Variants in FRZB observed in about 807,000 individuals in gnomAD.
FRZB encodes secreted frizzled-related protein 3.
A neutral mutation model predicts 32.5 loss-of-function variants in FRZB; 34 were observed. The observed-to-expected ratio is 1.05, with a 90% CI of 0.80 to 1.39. The LOEUF (loss-of-function observed/expected upper bound fraction) is 1.39. FRZB is among the 40% of genes most tolerant of loss of function. The pLI is 0.00. For synonymous variants in FRZB, 170 were observed against 159.2 expected, an observed-to-expected ratio of 1.07 and a Z score of -0.51; for missense variants, 423 against 424.8, an observed-to-expected ratio of 1.00 and a Z score of 0.04.
rs767254284 is a variant in FRZB, at chr2:182,838,576, G to A, written c.630C>T (p.Cys210=). The change falls in exon 4 of 6, where the codon TGC becomes TGT. Residue 210 remains cysteine, a synonymous_variant. Transcript: ENST00000295113. ...CCTCCACTACTGCAGTCACATCATG[G>A]CACTTAGTCTTTATCTCTTTAACTT... ...RAKVKEIKTK[C]HDVTAVVEVK... 9.9e-6 allele frequency: 16 copies of A among 1,612,642 alleles called. No homozygotes were observed. The East Asian group carries it at 3.6e-4, about 36-fold the overall frequency.
At position 182,866,614 on chromosome 2, in the gene FRZB, G is replaced by A. The variant is rs1268372231; in HGVS notation, c.-62C>T. ...TGGACGCCAAAAGGCCCGCTCCGCC[G>A]TCTCCGCCTCCCCCGCTGCAAGTGG... On this transcript the variant is annotated 5_prime_UTR_variant, in exon 1 of 6. In the 5' UTR this introduces an upstream ATG that the reference lacks. Coordinates refer to ENST00000295113, the MANE Select transcript of FRZB (RefSeq NM_001463.4). This position sits in a 1 kb window ranked among gnomAD's most constrained non-coding sequence, Gnocchi z 4.5. The A allele has an allele frequency of 3.4e-6, 4 of 1,176,098 alleles. No homozygotes were observed. Among genetic ancestry groups the A allele is most frequent in the Non-Finnish European group, 4.6e-6 (4 of 874,228 alleles). 72.9% of individuals were successfully genotyped at this position (1,176,098 alleles called of 1,614,324 possible).
intron 5 of FRZB, among the ~76,000 whole-genome samples, chr2:182,836,652 A>C (rs1695528934): frequency 6.6e-6 from 1 of 152,034 alleles, no homozygotes; most frequent in Non-Finnish European, 1.5e-5. Context: ...GGGATATTGA[A>C]AGCTTTTCCA....
At chr2:182,847,721 C>T (rs1490312649) in intron 2 of FRZB, among the ~76,000 whole-genome samples, 4 of 152,154 alleles carry the variant, frequency 2.6e-5, no homozygotes, top group Middle Eastern at 3.4e-3. Flanking sequence ...TGAGGGGCTA[C>T]GAAAAGCAGG....
At chr2:182,863,156 T>A (rs1027963837) in intron 1 of FRZB, among the ~76,000 whole-genome samples, 4 of 152,230 alleles carry the variant, frequency 2.6e-5, no homozygotes, top group Admixed American at 6.5e-5. Flanking sequence ...AGAGGTCATA[T>A]AATTTTCCTA....
At chr2:182,853,323 A>G (rs1695730295) in intron 2 of FRZB, among the ~76,000 whole-genome samples, 2 of 152,168 alleles carry the variant, frequency 1.3e-5, no homozygotes, top group South Asian at 2.1e-4. Flanking sequence ...TCTTTCATAC[A>G]TTGAAGTGCT....
intron 1 of FRZB, among the ~76,000 whole-genome samples, chr2:182,863,212 C>CT (rs141344469): frequency 0.052 from 7,881 of 152,204 alleles, 258 homozygotes; most frequent in Non-Finnish European, 0.075. Flanking sequence ...CCTGGTCTGC[C>CT]CCACTCCAAG....
intron 3 of FRZB, among the ~76,000 whole-genome samples, chr2:182,841,378 A>G (rs1264348477): frequency 2.6e-5 from 4 of 152,142 alleles, no homozygotes; most frequent in African/African-American, 9.7e-5. Flanking sequence ...TCTCCTTTCA[A>G]TTCCCAAAAG....
Position 182,850,322 on chromosome 2 carries a change from CCTAA to C in FRZB, c.527-7783_527-7780del, listed in dbSNP as rs534159592. 1.6e-4 allele frequency among the ~76,000 whole-genome samples: 24 copies of C among 152,282 alleles called. No homozygotes were observed. In the South Asian group the frequency reaches 2.3e-3, roughly 14 times the overall value. ...GATCTATCAAACACTAGGTCTTCCTCCTAACTAACTGTATATTTGTCCTCATTAA... is the reference window on the plus strand; with the variant it reads ...GATCTATCAAACACTAGGTCTTCCTCCTAACTGTATATTTGTCCTCATTAA... On this transcript the variant is annotated intron_variant, in intron 2 of 5. Transcript: ENST00000295113.
At chr2:182,859,174 T>G (rs564652735) in intron 1 of FRZB, among the ~76,000 whole-genome samples, 3 of 152,112 alleles carry the variant, frequency 2.0e-5, no homozygotes, top group Admixed American at 6.5e-5. Flanking sequence ...CATCCAACAC[T>G]TATGACTTGA....
rs1430072345 is a variant in FRZB, at chr2:182,834,367, AC to A, written c.*481del. ...CATTTTACCTTTATAAACATTTGGAACTTTCTAAGCATGAGGAGAATGCCCA... is the reference window on the plus strand; with the variant it reads ...CATTTTACCTTTATAAACATTTGGAATTTCTAAGCATGAGGAGAATGCCCA... On this transcript the variant is annotated 3_prime_UTR_variant, in exon 6 of 6. Coordinates refer to ENST00000295113, the MANE Select transcript of FRZB (RefSeq NM_001463.4). 1 of 153,638 alleles carries A rather than the reference AC, an allele frequency of 6.5e-6. No homozygotes were observed. Among genetic ancestry groups the A allele is most frequent in the East Asian group, 1.9e-4 (1 of 5,236 alleles). 9.5% of individuals were successfully genotyped at this position (153,638 alleles called of 1,614,324 possible). A position where few individuals can be genotyped will look rare whatever the true frequency, so the allele number is the denominator to read the frequency against.
rs13022892 is a variant in FRZB at position 182,840,075 on chromosome 2, T to G, written c.593-1462A>C. Among the ~76,000 whole-genome samples, 6 of 152,264 alleles carry G rather than the reference T, an allele frequency of 3.9e-5. No homozygotes were observed. The East Asian group carries it at 1.2e-3, about 29-fold the overall frequency. ...TTCTAAAAGCTTCACATTTCAGTCT[T>G]CCGAGAATTAGTTGCCTCAAGTATG... is the stretch of plus-strand genomic sequence containing the variant. On this transcript the variant is annotated intron_variant, in intron 3 of 5. Coordinates refer to ENST00000295113, the MANE Select transcript of FRZB (RefSeq NM_001463.4).
At chr2:182,836,511 G>T (rs1484487058) in intron 5 of FRZB, among the ~76,000 whole-genome samples, 1 of 152,050 alleles carries the variant, frequency 6.6e-6, no homozygotes, top group African/African-American at 2.4e-5. Flanking sequence ...GTCCCCTGCG[G>T]AAAACAATGG....
chr2:182,834,729 A>G lies in FRZB; in HGVS notation c.*120T>C, dbSNP rs1695504271. On this transcript the variant is annotated 3_prime_UTR_variant, in exon 6 of 6. Transcript: ENST00000295113. ...AACAGAAGTAATAATCAGTTATCACATGATTTTTATAGTAAACAATAGAAT... is the reference window on the plus strand; with the variant it reads ...AACAGAAGTAATAATCAGTTATCACGTGATTTTTATAGTAAACAATAGAAT... 1.3e-6 allele frequency: 1 copy of G among 755,276 alleles called. No individual in the cohort carries two copies. Among genetic ancestry groups the G allele is most frequent in the African/African-American group, 1.7e-5 (1 of 57,912 alleles). The allele number at this position is 755,276 out of a possible 1,614,324, so 46.8% of individuals were successfully genotyped here.
chr2:182,839,347 G>C (rs1408946591), intron 3 of FRZB, among the ~76,000 whole-genome samples: 1 of 151,722 alleles, frequency 6.6e-6, no homozygotes, highest in Non-Finnish European at 1.5e-5. Flanking sequence ...TCTCCTCTAA[G>C]TGGGCTATAT....
intron 1 of FRZB, among the ~76,000 whole-genome samples, chr2:182,859,779 A>C (rs952382222): frequency 1.3e-5 from 2 of 152,204 alleles, no homozygotes; most frequent in African/African-American, 4.8e-5. Context: ...AATCATCAGC[A>C]AGTATTTAAA....
intron 3 of FRZB, 50 bp downstream of exon 3, chr2:182,842,428 C>T: frequency 7.5e-7 from 1 of 1,326,688 alleles, no homozygotes. Flanking sequence ...TGCATCCACA[C>T]ACCTCTCTTA....
Position 182,838,513 on chromosome 2 carries a change from T to C in FRZB, c.693A>G (p.Pro231=), listed in dbSNP as rs1345657765. ...EILKSSLVNI[P]RDTVNLYTSS... Reference sequence around the variant, plus strand: ...TGGTATAGAGGTTGACAGTGTCCCGTGGAATGTTTACCAGAGAGGACTTTA... The same window carrying C: ...TGGTATAGAGGTTGACAGTGTCCCGCGGAATGTTTACCAGAGAGGACTTTA... The change falls in exon 4 of 6, where the codon CCA becomes CCG. Residue 231 remains proline, a synonymous_variant. Transcript: ENST00000295113. 3.7e-6 allele frequency: 6 copies of C among 1,613,004 alleles called. No homozygotes were observed. The highest frequency in any genetic ancestry group is 5.1e-6 in the Non-Finnish European group (6 of 1,179,278).
intron 1 of FRZB, among the ~76,000 whole-genome samples, chr2:182,860,478 G>C (rs557515987): frequency 5.3e-4 from 80 of 152,210 alleles, no homozygotes; most frequent in African/African-American, 1.7e-3. Flanking sequence ...TAAGAAAGTA[G>C]CATTAGAGAG....
intron 3 of FRZB, among the ~76,000 whole-genome samples, chr2:182,841,732 C>T (rs1021339963): frequency 6.6e-6 from 1 of 151,930 alleles, no homozygotes; most frequent in African/African-American, 2.4e-5. Context: ...ACATTGTGAA[C>T]AATCAAAGAA....
Sources: allele counts gnomAD v4.1 joint callset (sites outside exome capture counted in the v4.1 genomes callset), GRCh38; gene constraint gnomAD v4.1.1; non-coding constraint Gnocchi (gnomAD v3.1); transcripts MANE v1.5; gene names NCBI Gene and HGNC (gene_info 2026-07-23, HGNC 2026-07-21).